PALM2AKAP2: variants seen among roughly 807,000 people sequenced by gnomAD.
PALM2AKAP2 encodes the protein PALM2-AKAP2 fusion protein.
In PALM2AKAP2, 37 loss-of-function variants were observed where a neutral mutation model predicts 71.5. The ratio of observed to expected loss-of-function variants is 0.52; its 90% confidence interval spans 0.40 to 0.68. PALM2AKAP2 has a LOEUF of 0.68. Ranked by LOEUF, PALM2AKAP2 falls within the 30% of genes least tolerant of loss-of-function variation. The probability of loss-of-function intolerance (pLI) is 0.00; values close to 1 mark genes in which losing one functional copy is unlikely to be tolerated. For missense variants in PALM2AKAP2, 1,224 were observed against 1,191.8 expected, an observed-to-expected ratio of 1.03 and a Z score of -0.40; for synonymous variants, 468 against 478.8, an observed-to-expected ratio of 0.98 and a Z score of 0.29.
chr9:109,851,032 C>T (rs917258535), intron 1 of PALM2AKAP2, among the ~76,000 whole-genome samples: 1 of 152,042 alleles, frequency 6.6e-6, no homozygotes, highest in Non-Finnish European at 1.5e-5. Context: ...AAAAAATTAG[C>T]CAGGCATGGT....
intron 7 of PALM2AKAP2, among the ~76,000 whole-genome samples, chr9:110,032,060 GAA>G (rs560993508): frequency 8.0e-4 from 96 of 119,360 alleles, no homozygotes; most frequent in African/African-American, 2.4e-3. Flanking sequence ...AGCTTACGGG[GAA>G]AAAAAAAAAA....
At chr9:110,001,053 A>G (rs1401877716) in intron 6 of PALM2AKAP2, among the ~76,000 whole-genome samples, 1 of 152,132 alleles carries the variant, frequency 6.6e-6, no homozygotes, top group Non-Finnish European at 1.5e-5. Flanking sequence ...TTCTGTTGCC[A>G]TTGCTTTTTG....
intron 1 of PALM2AKAP2, among the ~76,000 whole-genome samples, chr9:109,860,937 A>G (rs888245686): frequency 6.6e-6 from 1 of 152,230 alleles, no homozygotes; most frequent in African/African-American, 2.4e-5. Flanking sequence ...AAGCTGAATT[A>G]TCTTCATCTA....
At chr9:109,929,905 G>A (rs1831054794) in intron 5 of PALM2AKAP2, among the ~76,000 whole-genome samples, 1 of 150,594 alleles carries the variant, frequency 6.6e-6, no homozygotes, top group Admixed American at 6.6e-5. Context: ...AATCATGGAG[G>A]TGCAGTTCAA....
chr9:110,053,060 T>G (rs1833743868), intron 1 of PALM2AKAP2, among the ~76,000 whole-genome samples: 1 of 152,180 alleles, frequency 6.6e-6, no homozygotes, highest in African/African-American at 2.4e-5. Context: ...TTTTTCCTGT[T>G]GAGGTGGATT....
intron 1 of PALM2AKAP2, among the ~76,000 whole-genome samples, chr9:109,742,857 G>C (rs1828735240): frequency 6.6e-6 from 1 of 152,100 alleles, no homozygotes; most frequent in Non-Finnish European, 1.5e-5. Context: ...AAAATTTCCA[G>C]AAAGGCTCAG....
chr9:109,881,876 CTTTTTTTTTTTTTTT>C (rs565835467), intron 3 of PALM2AKAP2, among the ~76,000 whole-genome samples: 1 of 95,116 alleles, frequency 1.1e-5, no homozygotes, highest in East Asian at 3.6e-4. Context: ...CTTATGAGCT[CTTTTTTTTTTTTTTT>C]TTTTTTTTTT....
rs562730439 is a variant in PALM2AKAP2, at chr9:109,906,880, G to T, written c.258-16855G>T. Among the ~76,000 whole-genome samples, 4 of 152,278 alleles carry T rather than the reference G, an allele frequency of 2.6e-5. No individual in the cohort carries two copies. The East Asian group carries it at 7.7e-4, about 29-fold the overall frequency. Reference sequence around the variant, plus strand: ...TTTCCGAATCAGACTCATTAGTGTGGCATTCAAGAGCCATCATATCCTGAG... The same window carrying T: ...TTTCCGAATCAGACTCATTAGTGTGTCATTCAAGAGCCATCATATCCTGAG... On this transcript the variant is annotated intron_variant, in intron 3 of 9. Transcript: ENST00000302798.
At chr9:109,670,857 T>C (rs2118489241) in intron 1 of PALM2AKAP2, among the ~76,000 whole-genome samples, 1 of 152,342 alleles carries the variant, frequency 6.6e-6, no homozygotes, top group East Asian at 1.9e-4. Flanking sequence ...GATTTGCACT[T>C]CTCTAATAAT....
At chr9:109,669,197 G>A (rs1288586494) in intron 1 of PALM2AKAP2, among the ~76,000 whole-genome samples, 1 of 151,978 alleles carries the variant, frequency 6.6e-6, no homozygotes, top group Non-Finnish European at 1.5e-5. Flanking sequence ...GTTTTTCATA[G>A]GTACTCTGTA....
intron 1 of PALM2AKAP2, among the ~76,000 whole-genome samples, chr9:109,865,096 C>CTTTTTTTTTTTT (rs58922983): frequency 0.017 from 1,274 of 75,616 alleles, 268 homozygotes; most frequent in East Asian, 0.033. Flanking sequence ...CTACTCATTC[C>CTTTTTTTTTTTT]TTTTTTTTTT....
intron 1 of PALM2AKAP2, among the ~76,000 whole-genome samples, chr9:110,060,355 G>A (rs1833937637): frequency 6.6e-6 from 1 of 151,936 alleles, no homozygotes; most frequent in Non-Finnish European, 1.5e-5. Flanking sequence ...TGCCCACCTT[G>A]GCCTCCCAAA....
intron 1 of PALM2AKAP2, among the ~76,000 whole-genome samples, chr9:109,762,662 GA>G (rs147586144): frequency 2.0e-5 from 3 of 152,078 alleles, no homozygotes; most frequent in East Asian, 1.9e-4. Context: ...TGTGAGGCAG[GA>G]AAAAAACCCT....
chr9:110,137,081 A>C (rs4978872), exon 2 of PALM2AKAP2: 1,348,553 of 1,613,432 alleles, frequency 0.84, 565,805 homozygotes, highest in East Asian at 1. Flanking sequence ...GCTGCTGCAG[A>C]AGCAGTTACA....
At chr9:109,690,199 A>G (rs1231682667) in intron 1 of PALM2AKAP2, among the ~76,000 whole-genome samples, 1 of 152,234 alleles carries the variant, frequency 6.6e-6, no homozygotes, top group East Asian at 1.9e-4. Flanking sequence ...TATACAAGAT[A>G]ATGCTTGTAG....
upstream of PALM2AKAP2, among the ~76,000 whole-genome samples, chr9:109,778,768 AT>A (rs34459734): frequency 0.099 from 13,968 of 141,352 alleles, 772 homozygotes; most frequent in South Asian, 0.18. Context: ...TTTGATGTGC[AT>A]TTTTTTTTTT....
chr9:109,847,544 A>G (rs1293426594), intron 1 of PALM2AKAP2: 2 of 152,256 alleles, frequency 1.3e-5, no homozygotes, highest in East Asian at 1.9e-4. Flanking sequence ...GATCGAGACC[A>G]TCCTGGCGAA....
intron 1 of PALM2AKAP2, among the ~76,000 whole-genome samples, chr9:109,810,145 T>G (rs894295534): frequency 6.6e-6 from 1 of 152,140 alleles, no homozygotes; most frequent in Non-Finnish European, 1.5e-5. Flanking sequence ...ATTCAGTCCA[T>G]AGCATGCAGA....
At chr9:110,014,965 G>A (rs1832954043) in intron 6 of PALM2AKAP2, among the ~76,000 whole-genome samples, 1 of 150,656 alleles carries the variant, frequency 6.6e-6, no homozygotes, top group African/African-American at 2.4e-5. Flanking sequence ...ACTATATTGT[G>A]TTTAAAGATA....
Sources: gnomAD v4.1 joint callset for allele counts (sites outside exome capture counted in the v4.1 genomes callset) on GRCh38, gnomAD v4.1.1 for gene constraint, MANE v1.5 for transcripts, NCBI Gene and HGNC (gene_info 2026-07-23, HGNC 2026-07-21) for gene names.